The following DOCK1 variants were observed in gnomAD, a reference collection of about 807,000 sequenced individuals.
DOCK1 encodes the protein dedicator of cytokinesis 1, also known as dedicator of cytokinesis protein 1.
A neutral mutation model predicts 262.7 loss-of-function variants in DOCK1; 138 were observed. The observed-to-expected ratio is 0.53, with a 90% CI of 0.46 to 0.61. The LOEUF (loss-of-function observed/expected upper bound fraction) is 0.61. DOCK1 is among the 20% of genes least tolerant of loss of function. The pLI, the probability that DOCK1 is intolerant of heterozygous loss-of-function variation, is 0.00. For missense variants in DOCK1, 1,908 were observed against 2,370.7 expected (o/e 0.80, Z 4.05); for synonymous variants, 866 against 867.4 (o/e 1.00, Z 0.03).
At chr10:126,915,504 C>T (rs1434805449) in intron 1 of DOCK1, among the ~76,000 whole-genome samples, 11 of 152,114 alleles carry the variant, frequency 7.2e-5, no homozygotes, top group Non-Finnish European at 1.2e-4. Flanking sequence ...CTGCAACCTC[C>T]GCCTCCTGGA....
In DOCK1 at chr10:127,272,962, T is replaced by C. The variant is rs150545124; in HGVS notation, c.3044+15533T>C. Among the ~76,000 whole-genome samples the C allele has an allele frequency of 6.5e-3, 995 of 152,168 alleles. 18 individuals are homozygous for C. The highest frequency in any genetic ancestry group is 0.023 in the African/African-American group (946 of 41,508). On this transcript the variant is annotated intron_variant, in intron 29 of 51. Transcript: ENST00000623213. ...TTCCCACCAGGTCCCTCCCACAACA[T>C]GTGGGAATTCAAGATGAGATTTGGG...
chr10:126,950,508 G>A (rs914447320), intron 1 of DOCK1, among the ~76,000 whole-genome samples: 27 of 152,168 alleles, frequency 1.8e-4, no homozygotes, highest in African/African-American at 6.0e-4. Flanking sequence ...AGGGCAATGG[G>A]GCCTTTGACA....
intron 23 of DOCK1, among the ~76,000 whole-genome samples, chr10:127,076,351 A>G (rs1053463915): frequency 6.6e-6 from 1 of 152,186 alleles, no homozygotes; most frequent in African/African-American, 2.4e-5. Flanking sequence ...AATACAAAAA[A>G]TTAGCTAGGC....
intron 38 of DOCK1, among the ~76,000 whole-genome samples, chr10:127,392,186 CTT>C (rs2134203810): frequency 6.6e-6 from 1 of 151,986 alleles, no homozygotes; most frequent in African/African-American, 2.4e-5. Context: ...TGCTCTCAAA[CTT>C]TCGTGGCTTT....
At chr10:126,958,365 T>G (rs1401956529) in intron 1 of DOCK1, among the ~76,000 whole-genome samples, 1 of 152,114 alleles carries the variant, frequency 6.6e-6, no homozygotes, top group Non-Finnish European at 1.5e-5. Context: ...TTTGGCTCCG[T>G]AATTTTAAAC....
intron 32 of DOCK1, among the ~76,000 whole-genome samples, chr10:127,361,529 G>A (rs2064448905): frequency 6.6e-6 from 1 of 152,180 alleles, no homozygotes; most frequent in Non-Finnish European, 1.5e-5. Context: ...ACTTTGATTG[G>A]AGTCGTTTGG....
At chr10:127,360,322 C>T (rs1043779255) in intron 32 of DOCK1, among the ~76,000 whole-genome samples, 1 of 152,006 alleles carries the variant, frequency 6.6e-6, no homozygotes, top group East Asian at 1.9e-4. Context: ...TATGGGGTCC[C>T]CGGCTGGGGT....
At chr10:127,162,539 T>C (rs533176952) in intron 27 of DOCK1, among the ~76,000 whole-genome samples, 1 of 152,262 alleles carries the variant, frequency 6.6e-6, no homozygotes, top group South Asian at 2.1e-4. Flanking sequence ...TTTACCTTAC[T>C]TTTTTTCCAT....
At chr10:127,439,941 C>A (rs574201514) in intron 49 of DOCK1, among the ~76,000 whole-genome samples, 1 of 152,086 alleles carries the variant, frequency 6.6e-6, no homozygotes, top group African/African-American at 2.4e-5. Flanking sequence ...AGAAGTGCAC[C>A]ACATTGGGAA....
Position 127,006,517 on chromosome 10 carries a change from C to T in DOCK1, c.986-2215C>T, listed in dbSNP as rs567871475. On this transcript the variant is annotated intron_variant, in intron 10 of 51. Coordinates refer to ENST00000623213, the MANE Select transcript of DOCK1 (RefSeq NM_001290223.2). ...AGTCCTTTATTTCCTCCTTTGGTGT[C>T]AGGGACATCTTGTCCAAACTGCAGG... 1.2e-4 allele frequency among the ~76,000 whole-genome samples: 19 copies of T among 152,320 alleles called. No homozygotes were observed. In the South Asian group the frequency reaches 3.7e-3, roughly 30 times the overall value.
At chr10:126,958,926 C>A (rs1160414622) in intron 1 of DOCK1, among the ~76,000 whole-genome samples, 1 of 152,306 alleles carries the variant, frequency 6.6e-6, no homozygotes, top group East Asian at 1.9e-4. Flanking sequence ...ACATGTGCCC[C>A]AGGCGGTCGG....
intron 44 of DOCK1, 92 bp downstream of exon 44, chr10:127,415,330 CTG>C (rs1196294372): frequency 7.8e-7 from 1 of 1,284,324 alleles, no homozygotes; most frequent in African/African-American, 1.5e-5. Flanking sequence ...CCCGTGGTCA[CTG>C]TGGCAGCGTG....
chr10:127,353,827 G>A (rs1231053561), intron 31 of DOCK1, among the ~76,000 whole-genome samples: 4 of 152,144 alleles, frequency 2.6e-5, no homozygotes, highest in African/African-American at 4.8e-5. Flanking sequence ...GCAGCTGGCC[G>A]CGGTTGTTGA....
chr10:127,043,176 C>CT lies in DOCK1; in HGVS notation c.2201+15dup. Reference sequence around the variant, plus strand: ...ACGTTAGCCTACACGTAAGTTCCTACTTTGTTTTAAAACCAATACTTCTTT... The same window carrying CT: ...ACGTTAGCCTACACGTAAGTTCCTACTTTTGTTTTAAAACCAATACTTCTTT... On this transcript the variant is annotated intron_variant, in intron 21 of 51. Coordinates refer to ENST00000623213, the MANE Select transcript of DOCK1 (RefSeq NM_001290223.2). 6.3e-7 allele frequency: 1 copy of CT among 1,586,216 alleles called. No homozygotes were observed. The highest frequency in any genetic ancestry group is 2.2e-5 in the East Asian group (1 of 44,622).
At chr10:126,961,816 A>G (rs2037246361) in intron 1 of DOCK1, among the ~76,000 whole-genome samples, 1 of 152,070 alleles carries the variant, frequency 6.6e-6, no homozygotes, top group Admixed American at 6.6e-5. Context: ...TGGATGTGCA[A>G]ATATCTATTC....
At chr10:127,120,201 C>T (rs750991015) in intron 25 of DOCK1, among the ~76,000 whole-genome samples, 2 of 152,182 alleles carry the variant, frequency 1.3e-5, no homozygotes, top group Non-Finnish European at 2.9e-5. Flanking sequence ...CAAGCACTGG[C>T]GGTCCTGGAG....
chr10:126,947,191 G>A (rs2035486969), intron 1 of DOCK1, among the ~76,000 whole-genome samples: 1 of 152,230 alleles, frequency 6.6e-6, no homozygotes, highest in Non-Finnish European at 1.5e-5. Flanking sequence ...CTTTCTCAGG[G>A]CAGAATAAAG....
intron 29 of DOCK1, among the ~76,000 whole-genome samples, chr10:127,269,754 G>A (rs543780140): frequency 1.3e-5 from 2 of 152,270 alleles, no homozygotes; most frequent in Admixed American, 6.5e-5. Flanking sequence ...GAGTGGCTCC[G>A]GGCCCCCTGT....
intron 38 of DOCK1, among the ~76,000 whole-genome samples, chr10:127,398,437 T>C (rs530273660): frequency 6.6e-6 from 1 of 152,284 alleles, no homozygotes; most frequent in African/African-American, 2.4e-5. Flanking sequence ...TCAGCACGCA[T>C]TGAGCAAAGA....
Sources: gnomAD v4.1 joint callset for allele counts (sites outside exome capture counted in the v4.1 genomes callset) on GRCh38, gnomAD v4.1.1 for gene constraint, MANE v1.5 for transcripts, NCBI Gene and HGNC (gene_info 2026-07-23, HGNC 2026-07-21) for gene names.